Variants in SLC7A14 observed in about 807,000 individuals in gnomAD.
SLC7A14 encodes the protein solute carrier family 7 member 14.
Under a neutral mutation model 60.2 loss-of-function variants are expected in SLC7A14, and 37 were observed. The observed-to-expected ratio is 0.61, with a 90% CI of 0.47 to 0.81. The LOEUF (loss-of-function observed/expected upper bound fraction) is 0.81. Ranked by LOEUF, SLC7A14 falls within the 30% of genes least tolerant of loss-of-function variation. SLC7A14 has a pLI of 0.00. For synonymous variants in SLC7A14, 399 were observed against 395.8 expected (o/e 1.01, Z -0.10); for missense variants, 886 against 982.7 (o/e 0.90, Z 1.32).
chr3:170,518,112 C>T (rs1713226847), intron 2 of SLC7A14, among the ~76,000 whole-genome samples: 1 of 152,160 alleles, frequency 6.6e-6, no homozygotes, highest in African/African-American at 2.4e-5. Context: ...TAACCTCTGA[C>T]TCTGGTTCCT....
intron 1 of SLC7A14, among the ~76,000 whole-genome samples, chr3:170,536,188 A>G (rs1713833752): frequency 1.3e-5 from 2 of 152,210 alleles, no homozygotes; most frequent in South Asian, 4.1e-4. Flanking sequence ...TAATGAGATG[A>G]TGCTTGTGGA....
chr3:170,503,533 C>T (rs1319035687), intron 2 of SLC7A14, among the ~76,000 whole-genome samples: 2 of 152,146 alleles, frequency 1.3e-5, no homozygotes, highest in African/African-American at 2.4e-5. Context: ...CAACTCACTT[C>T]CCTGCTTTGG....
chr3:170,534,174 C>T (rs1713767663), intron 1 of SLC7A14, among the ~76,000 whole-genome samples: 2 of 152,210 alleles, frequency 1.3e-5, no homozygotes, highest in Admixed American at 6.5e-5. Flanking sequence ...TGTGGCTGTA[C>T]TCCAGACAGT....
At chr3:170,486,513 G>T (rs1057362692) in intron 4 of SLC7A14, 145 bp from the exon 5 acceptor site, 2 of 953,644 alleles carry the variant, frequency 2.1e-6, no homozygotes, top group Non-Finnish European at 3.2e-6. Context: ...TAAACACGCA[G>T]GTTCTGATCT....
intron 1 of SLC7A14, among the ~76,000 whole-genome samples, chr3:170,580,128 G>A (rs1577578113): frequency 6.6e-6 from 1 of 152,202 alleles, no homozygotes; most frequent in East Asian, 1.9e-4. Flanking sequence ...AATTAACCTG[G>A]AACAATGGTC....
chr3:170,564,409 CACTGTCATTTCATAGACAAAGAAACTGAA>C (rs1348952806), intron 1 of SLC7A14, among the ~76,000 whole-genome samples: 1 of 152,216 alleles, frequency 6.6e-6, no homozygotes, highest in Non-Finnish European at 1.5e-5. Flanking sequence ...TTGGATCTGA[CACTGTCATTTCATAGACAAAGAAACTGAA>C]ACCCAAAAGA....
intron 1 of SLC7A14, among the ~76,000 whole-genome samples, chr3:170,550,776 C>T (rs1714326596): frequency 6.6e-6 from 1 of 151,934 alleles, no homozygotes; most frequent in South Asian, 2.1e-4. Context: ...CCTGCCTAGG[C>T]CTCCCAAAGT....
chr3:170,467,207 C>G lies in SLC7A14; in HGVS notation c.2164G>C (p.Gly722Arg). The G allele has an allele frequency of 6.2e-7, 1 of 1,614,256 alleles. No individual in the cohort carries two copies. Among genetic ancestry groups the G allele is most frequent in the Non-Finnish European group, 8.5e-7 (1 of 1,180,044 alleles). ...TAGAAGCCTTTGTCTTCAGTGGGCC[C>G]GCCCCAGTCCTCCTGGCTCTCGCCC... ...TEGESQEDWG[G>R]PTEDKGFYYQ... The change falls in exon 8 of 8, where the codon GGG (glycine) becomes CGG (arginine). Residue 722 changes from glycine to arginine, a missense_variant. Transcript: ENST00000231706.
rs1715348229 is a variant in SLC7A14 at position 170,585,110 on chromosome 3, A to C, written c.-153+801T>G. Among the ~76,000 whole-genome samples the C allele has an allele frequency of 6.6e-6, 1 of 152,172 alleles. No homozygotes were observed. Among genetic ancestry groups the C allele is most frequent in the Non-Finnish European group, 1.5e-5 (1 of 68,026 alleles). On this transcript the variant is annotated intron_variant, in intron 1 of 7. Coordinates refer to ENST00000231706, the MANE Select transcript of SLC7A14 (RefSeq NM_020949.3). The surrounding 1 kb of genome is among the most constrained non-coding windows in gnomAD (Gnocchi z 5.1). ...GGTGGGGGCTGCATCCCGCGTGGCC[A>C]CGCAGCCCTAACCTGGCCCTCTTGG...
intron 1 of SLC7A14, among the ~76,000 whole-genome samples, chr3:170,550,064 A>G (rs1372765019): frequency 3.9e-5 from 6 of 152,214 alleles, no homozygotes; most frequent in Non-Finnish European, 7.3e-5. Context: ...TGTGTAATGA[A>G]GGGTTGACCT....
At chr3:170,496,479 A>T in intron 4 of SLC7A14, 1 of 1,356,420 alleles carries the variant, frequency 7.4e-7, no homozygotes, top group Non-Finnish European at 1.1e-6. Context: ...TAAGGATGCC[A>T]GCGCCAAGCG....
chr3:170,502,111 G>T (rs895875883), intron 2 of SLC7A14, among the ~76,000 whole-genome samples: 1 of 152,190 alleles, frequency 6.6e-6, no homozygotes, highest in Admixed American at 6.5e-5. Context: ...GGATTAATTG[G>T]ATGAAGAAGG....
chr3:170,549,185 T>C (rs1714264179), intron 1 of SLC7A14, among the ~76,000 whole-genome samples: 1 of 151,242 alleles, frequency 6.6e-6, no homozygotes, highest in South Asian at 2.1e-4. Flanking sequence ...TAATACAGGC[T>C]GAATCCAGAC....
intron 1 of SLC7A14, among the ~76,000 whole-genome samples, chr3:170,556,146 T>A (rs1247149991): frequency 1.3e-5 from 2 of 152,184 alleles, no homozygotes; most frequent in Non-Finnish European, 2.9e-5. Context: ...AAAATGAAGG[T>A]GTTGAATTAT....
rs2108261871 is a variant in SLC7A14, at chr3:170,467,375, G to T, written c.1996C>A (p.Leu666Met). 1.3e-6 allele frequency: 2 copies of T among 1,580,532 alleles called. No homozygotes were observed. Among genetic ancestry groups the T allele is most frequent in the Admixed American group, 1.8e-5 (1 of 55,878 alleles). ...IRFAVWCFVG[L>M]LIYFGYGIWN... ...ATGCCATATCCAAAATAAATGAGCAGACCTGTGGGGCGAGGGGAAAGGTAC... is the reference window on the plus strand; with the variant it reads ...ATGCCATATCCAAAATAAATGAGCATACCTGTGGGGCGAGGGGAAAGGTAC... Residue 666 changes from leucine (L) to methionine (M), a missense_variant and splice_region_variant, in exon 8 of 8, where the codon CTG (leucine) becomes ATG (methionine). Transcript: ENST00000231706.
chr3:170,477,960 A>G (rs1305340987), intron 7 of SLC7A14, among the ~76,000 whole-genome samples: 3 of 152,216 alleles, frequency 2.0e-5, no homozygotes, highest in Non-Finnish European at 4.4e-5. Context: ...AAATATTTCT[A>G]CCCACTTCCA....
chr3:170,563,711 G>A (rs974180416), intron 1 of SLC7A14, among the ~76,000 whole-genome samples: 4 of 152,086 alleles, frequency 2.6e-5, no homozygotes, highest in Admixed American at 1.3e-4. Flanking sequence ...GTAAGCCACC[G>A]CGCCCGGCCC....
At chr3:170,584,748 G>C (rs929451724) in intron 1 of SLC7A14, among the ~76,000 whole-genome samples, 1 of 152,156 alleles carries the variant, frequency 6.6e-6, no homozygotes, top group African/African-American at 2.4e-5. Context: ...TCAGTCGGAG[G>C]AGGAGAGCTA....
intron 4 of SLC7A14, among the ~76,000 whole-genome samples, chr3:170,498,188 A>G (rs116793543): frequency 1.8e-3 from 268 of 152,308 alleles, no homozygotes; most frequent in African/African-American, 6.0e-3. Flanking sequence ...ACATAATTCT[A>G]TAGAACTGAG....
Sources: gnomAD v4.1 joint callset for allele counts (sites outside exome capture counted in the v4.1 genomes callset) on GRCh38, gnomAD v4.1.1 for gene constraint, Gnocchi (gnomAD v3.1) non-coding constraint, MANE v1.5 for transcripts, NCBI Gene and HGNC (gene_info 2026-07-23, HGNC 2026-07-21) for gene names.